Variants in PRDM5 observed in about 807,000 individuals in gnomAD.
PRDM5 encodes the protein PR/SET domain 5.
PRDM5 carries 56 observed loss-of-function variants against 81.2 expected under a neutral mutation model. That is an observed-to-expected ratio of 0.69 (90% CI 0.56 to 0.86). The LOEUF is 0.86. Ranked by LOEUF, PRDM5 falls within the 40% of genes least tolerant of loss-of-function variation. The pLI, the probability that PRDM5 is intolerant of heterozygous loss-of-function variation, is 0.00. For missense variants in PRDM5, 697 were observed against 770.1 expected, an observed-to-expected ratio of 0.91 and a Z score of 1.12; for synonymous variants, 267 against 256.4, an observed-to-expected ratio of 1.04 and a Z score of -0.39.
intron 14 of PRDM5, among the ~76,000 whole-genome samples, chr4:120,736,043 G>A (rs543868955): frequency 1.3e-5 from 1 of 76,810 alleles, no homozygotes; most frequent in African/African-American, 7.1e-5. Context: ...ATTCCATTCT[G>A]TATGTCCATT....
At chr4:120,722,576 C>A (rs576873592) in intron 14 of PRDM5, among the ~76,000 whole-genome samples, 2 of 152,160 alleles carry the variant, frequency 1.3e-5, no homozygotes, top group East Asian at 3.9e-4. Flanking sequence ...TGATGCCTAC[C>A]CCCAGAGATT....
In PRDM5 at chr4:120,780,403, C is replaced by G. The variant is rs79408428; in HGVS notation, c.1443+740G>C. On this transcript the variant is annotated intron_variant, in intron 12 of 15. Coordinates refer to ENST00000264808, the MANE Select transcript of PRDM5 (RefSeq NM_018699.4). ...AGGATACAGTAAGCTATGATGACAC[C>G]ACTGCACTACAGCCTGGGCAACAGA... 8.7e-3 allele frequency among the ~76,000 whole-genome samples: 1,328 copies of G among 152,044 alleles called. 22 individuals carry two copies. The highest frequency in any genetic ancestry group is 0.03 in the African/African-American group (1,256 of 41,490).
At chr4:120,781,447 C>T (rs951550705) in intron 11 of PRDM5, 144 bp from the exon 12 acceptor site, 36 of 756,516 alleles carry the variant, frequency 4.8e-5, no homozygotes, top group Middle Eastern at 2.4e-4. Context: ...CAACAAATTC[C>T]AGTTCCATTA....
intron 13 of PRDM5, among the ~76,000 whole-genome samples, chr4:120,757,831 C>T (rs1428364437): frequency 6.6e-6 from 1 of 151,724 alleles, no homozygotes; most frequent in African/African-American, 2.4e-5. Flanking sequence ...TTAATTCTCT[C>T]TCTTTCTCTC....
At chr4:120,868,352 T>C (rs1410228672) in intron 2 of PRDM5, among the ~76,000 whole-genome samples, 2 of 152,174 alleles carry the variant, frequency 1.3e-5, no homozygotes, top group East Asian at 3.8e-4. Context: ...TGCAACTAAA[T>C]GTATAAATAG....
chr4:120,786,737 A>C (rs1749814921), intron 10 of PRDM5, among the ~76,000 whole-genome samples: 1 of 152,198 alleles, frequency 6.6e-6, no homozygotes, highest in Admixed American at 6.6e-5. Context: ...ATAAACTTAA[A>C]GCTCCAAAGC....
intron 2 of PRDM5, among the ~76,000 whole-genome samples, chr4:120,862,149 T>G (rs1328721352): frequency 6.6e-6 from 1 of 152,182 alleles, no homozygotes; most frequent in East Asian, 1.9e-4. Flanking sequence ...CTCATAATCA[T>G]CCAGCAATCA....
chr4:120,718,516 C>A (rs1051741878), intron 14 of PRDM5, among the ~76,000 whole-genome samples: 5 of 152,180 alleles, frequency 3.3e-5, no homozygotes, highest in African/African-American at 9.6e-5. Flanking sequence ...GGGACTCTCA[C>A]TAAGGAGAGA....
chr4:120,688,564 TA>T (rs377261212), downstream of PRDM5, among the ~76,000 whole-genome samples: 8 of 152,244 alleles, frequency 5.3e-5, no homozygotes, highest in African/African-American at 1.9e-4. Flanking sequence ...TATGATGCCA[TA>T]AAGCATTTTC....
chr4:120,719,643 G>C (rs575265375), intron 14 of PRDM5, among the ~76,000 whole-genome samples: 1 of 152,066 alleles, frequency 6.6e-6, no homozygotes, highest in African/African-American at 2.4e-5. Flanking sequence ...CCTTGAATTA[G>C]ATATAATTTT....
chr4:120,702,069 G>T (rs13143781), intron 15 of PRDM5, among the ~76,000 whole-genome samples: 6 of 151,970 alleles, frequency 3.9e-5, no homozygotes, highest in East Asian at 1.9e-4. Flanking sequence ...TTTTGCATAG[G>T]GGCAAGCATG....
chr4:120,875,993 T>C (rs1449395463), intron 2 of PRDM5, among the ~76,000 whole-genome samples: 1 of 152,208 alleles, frequency 6.6e-6, no homozygotes, highest in Non-Finnish European at 1.5e-5. Context: ...ATGCTATTGA[T>C]ATATTAGGGA....
At chr4:120,878,966 A>G (rs1486784265) in intron 2 of PRDM5, among the ~76,000 whole-genome samples, 2 of 152,212 alleles carry the variant, frequency 1.3e-5, no homozygotes, top group African/African-American at 4.8e-5. Flanking sequence ...GCCTCTTTGG[A>G]AGACACTTTG....
chr4:120,857,511 C>T (rs1760019701), intron 2 of PRDM5, among the ~76,000 whole-genome samples: 1 of 152,150 alleles, frequency 6.6e-6, no homozygotes, highest in African/African-American at 2.4e-5. Context: ...AGGGTCTAGC[C>T]TCTGTTGAAT....
At chr4:120,701,246 AC>A (rs1560898252) in intron 15 of PRDM5, among the ~76,000 whole-genome samples, 1 of 104,768 alleles carries the variant, frequency 9.5e-6, no homozygotes, top group African/African-American at 2.9e-5. Context: ...AATTAGTTCA[AC>A]CACTGTGAAA....
At chr4:120,828,733 CAGG>C (rs1756344441) in intron 3 of PRDM5, among the ~76,000 whole-genome samples, 1 of 152,012 alleles carries the variant, frequency 6.6e-6, no homozygotes, top group African/African-American at 2.4e-5. Flanking sequence ...GTCTCAGGCA[CAGG>C]AGAAGCTTAC....
chr4:120,738,000 G>A lies in PRDM5; in HGVS notation c.1623+16553C>T, dbSNP rs1009593719. 1.3e-5 allele frequency among the ~76,000 whole-genome samples: 2 copies of A among 152,118 alleles called. 1 individual carries two copies. Among genetic ancestry groups the A allele is most frequent in the South Asian group, 4.2e-4 (2 of 4,816 alleles). ...AAAAGAGATGTGAGCTACAATTCCTGTCTACATGAAAGTCACAACCTAAAA... is the reference window on the plus strand; with the variant it reads ...AAAAGAGATGTGAGCTACAATTCCTATCTACATGAAAGTCACAACCTAAAA... On this transcript the variant is annotated intron_variant, in intron 14 of 15. Coordinates refer to ENST00000264808, the MANE Select transcript of PRDM5 (RefSeq NM_018699.4).
Position 120,853,559 on chromosome 4 carries a change from C to G in PRDM5, c.178-19G>C, listed in dbSNP as rs775396462. 1 of 1,613,408 alleles carries G rather than the reference C, an allele frequency of 6.2e-7. No homozygotes were observed. Among genetic ancestry groups the G allele is most frequent in the South Asian group, 1.1e-5 (1 of 91,076 alleles). On this transcript the variant is annotated intron_variant, in intron 2 of 15. Transcript: ENST00000264808. ...CACGAACCTGAAACATTAAAGGCTC[C>G]TGAGTTTACAATGGAAGTCAGAATA... is the stretch of plus-strand genomic sequence containing the variant.
At chr4:120,907,931 C>T (rs1011284361) in intron 1 of PRDM5, among the ~76,000 whole-genome samples, 1 of 152,202 alleles carries the variant, frequency 6.6e-6, no homozygotes, top group Admixed American at 6.5e-5. Flanking sequence ...GGCAGAAAAT[C>T]ACCTGGTTTC....
Sources: allele counts gnomAD v4.1 joint callset (sites outside exome capture counted in the v4.1 genomes callset), GRCh38; gene constraint gnomAD v4.1.1; transcripts MANE v1.5; gene names NCBI Gene and HGNC (gene_info 2026-07-23, HGNC 2026-07-21).